The following PRR15L variants were observed in gnomAD, a reference collection of about 807,000 sequenced individuals.
The protein encoded by PRR15L is proline-rich protein 15-like protein.
PRR15L carries 1 observed loss-of-function variant against 3.7 expected under a neutral mutation model. The ratio of observed to expected loss-of-function variants is 0.27; its 90% CI spans 0.09 to 1.27. The LOEUF is 1.27. Ranked by LOEUF, PRR15L falls within the 50% of genes most tolerant of loss-of-function variation. The probability of loss-of-function intolerance (pLI) is 0.47; values close to 1 mark genes in which losing one functional copy is unlikely to be tolerated. For synonymous variants in PRR15L, 57 were observed against 51.9 expected (o/e 1.10, Z -0.42); for missense variants, 127 against 128.7 (o/e 0.99, Z 0.06).
intron 1 of PRR15L, among the ~76,000 whole-genome samples, chr17:47,954,502 G>C (rs2036106184): frequency 6.6e-6 from 1 of 152,172 alleles, no homozygotes; most frequent in Non-Finnish European, 1.5e-5. Context: ...TACCTTGCAG[G>C]GTGGGGCTTG....
chr17:47,956,352 G>T (rs2036128886), intron 1 of PRR15L, among the ~76,000 whole-genome samples: 1 of 152,140 alleles, frequency 6.6e-6, no homozygotes, highest in Non-Finnish European at 1.5e-5. Context: ...TATGCCTGTA[G>T]TCCCAGCTAC....
intron 1 of PRR15L, 26 bp from the exon 2 acceptor site, chr17:47,953,289 A>C: frequency 7.0e-7 from 1 of 1,436,630 alleles, no homozygotes; most frequent in Non-Finnish European, 9.4e-7. Context: ...GGGGGAGACA[A>C]AGGGGTCAGT....
At position 47,953,120 on chromosome 17, in the gene PRR15L, G is replaced by C; in HGVS notation, c.115C>G (p.Pro39Ala). The change falls in exon 2 of 2, where the codon CCC (proline) becomes GCC (alanine). Residue 39 changes from proline to alanine, a missense_variant. Pro to Ala is a conservative substitution (Grantham distance 27, BLOSUM62 -1). Coordinates refer to ENST00000300557, the MANE Select transcript of PRR15L (RefSeq NM_024320.4). The part of the protein sequence containing the change: ...TYAQTEGDAE[P>A]PRPDAGGPNS... ...GGGCCTCCAGCGTCAGGCCTCGGGG[G>C]TTCTGCATCTCCCTCTGTTTGGGCA... 1 of 1,614,136 alleles carries C rather than the reference G, an allele frequency of 6.2e-7. No homozygotes were observed. The highest frequency in any genetic ancestry group is 8.5e-7 in the Non-Finnish European group (1 of 1,180,022).
rs185152233 is a variant in PRR15L at position 47,956,786 on chromosome 17, A to G, written c.-30+871T>C. Among the ~76,000 whole-genome samples the G allele has an allele frequency of 7.3e-4, 111 of 152,360 alleles. 1 individual carries two copies. The South Asian group carries it at 0.013, about 18-fold the overall frequency. On this transcript the variant is annotated intron_variant, in intron 1 of 1. Coordinates refer to ENST00000300557, the MANE Select transcript of PRR15L (RefSeq NM_024320.4). ...TTCTCAAAGTTGCAAAGAACAAGATATCTACAACCGCCTGCCTGTGCCTCA... is the reference window on the plus strand; with the variant it reads ...TTCTCAAAGTTGCAAAGAACAAGATGTCTACAACCGCCTGCCTGTGCCTCA...
At chr17:47,956,688 A>G (rs1299609096) in intron 1 of PRR15L, among the ~76,000 whole-genome samples, 2 of 152,254 alleles carry the variant, frequency 1.3e-5, no homozygotes, top group Non-Finnish European at 2.9e-5. Context: ...TCATCATAAA[A>G]GATAGTGTAA....
At chr17:47,953,516 G>A (rs1339211827) in intron 1 of PRR15L, among the ~76,000 whole-genome samples, 1 of 151,914 alleles carries the variant, frequency 6.6e-6, no homozygotes, top group East Asian at 1.9e-4. Flanking sequence ...AAAATTAGCT[G>A]GGCGTAGTGG....
intron 1 of PRR15L, among the ~76,000 whole-genome samples, chr17:47,956,378 A>G (rs1410902097): frequency 5.3e-5 from 8 of 152,240 alleles, no homozygotes; most frequent in Non-Finnish European, 8.8e-5. Context: ...AGGCTGAGGC[A>G]CGAGAATCCC....
At position 47,953,016 on chromosome 17, in the gene PRR15L, T is replaced by C; in HGVS notation, c.219A>G (p.Ser73=). The change falls in exon 2 of 2, where the codon TCA becomes TCG. Residue 73 remains serine, a synonymous_variant. Coordinates refer to ENST00000300557, the MANE Select transcript of PRR15L (RefSeq NM_024320.4). ...CTTTCTTCTTCTCCTTGAAGCGTCC[T>C]GAGTTGGAGACCTTGACGTGCTTGC... ...TKGKHVKVSN[S]GRFKEKKKVR... is the part of the protein sequence containing the mutation. The C allele has an allele frequency of 1.9e-6, 3 of 1,614,158 alleles. No individual in the cohort carries two copies. The highest frequency in any genetic ancestry group is 2.2e-5 in the East Asian group (1 of 44,870).
At chr17:47,954,762 G>A (rs991911768) in intron 1 of PRR15L, among the ~76,000 whole-genome samples, 3 of 152,100 alleles carry the variant, frequency 2.0e-5, no homozygotes, top group Non-Finnish European at 4.4e-5. Flanking sequence ...GAGGTCGGTG[G>A]TCTTGTTCTC....
intron 1 of PRR15L, among the ~76,000 whole-genome samples, chr17:47,953,846 C>T (rs1286671035): frequency 6.6e-6 from 1 of 152,172 alleles, no homozygotes; most frequent in African/African-American, 2.4e-5. Context: ...GTGGGACAGG[C>T]ACACACCATT....
intron 1 of PRR15L, among the ~76,000 whole-genome samples, chr17:47,957,403 A>G (rs2036141996): frequency 6.6e-6 from 1 of 152,232 alleles, no homozygotes; most frequent in African/African-American, 2.4e-5. Flanking sequence ...AGACAGCTGG[A>G]AAAATGCTCC....
At position 47,954,934 on chromosome 17, in the gene PRR15L, C is replaced by CT. The variant is rs1186644182; in HGVS notation, c.-29-1672dup. ...TCCAAATGATGTGCCTTTTTTTTTT[C>CT]TTTTTTTTTTTTTTGAGACAGAGTC... On this transcript the variant is annotated intron_variant, in intron 1 of 1. Transcript: ENST00000300557. 5.5e-3 allele frequency among the ~76,000 whole-genome samples: 741 copies of CT among 133,588 alleles called. 7 individuals are homozygous for CT. The highest frequency in any genetic ancestry group is 0.014 in the African/African-American group (498 of 36,810). The allele number at this position is 133,588 out of a possible 152,430, so 87.6% of individuals were successfully genotyped here.
At position 47,952,639 on chromosome 17, in the gene PRR15L, C is replaced by A; in HGVS notation, c.*284G>T. The A allele has an allele frequency of 3.0e-6, 1 of 332,742 alleles. No individual in the cohort carries two copies. The highest frequency in any genetic ancestry group is 5.5e-6 in the Non-Finnish European group (1 of 180,504). 20.6% of individuals were successfully genotyped at this position (332,742 alleles called of 1,614,324 possible). On this transcript the variant is annotated 3_prime_UTR_variant, in exon 2 of 2. Transcript: ENST00000300557. ...CATGCCCACCTCCCTGCTGGCCCTG[C>A]CATTGCTTCAAGGAGGGCTGTTCCT...
intron 1 of PRR15L, among the ~76,000 whole-genome samples, chr17:47,954,922 C>G (rs1165137411): frequency 2.0e-5 from 3 of 149,724 alleles, no homozygotes; most frequent in Non-Finnish European, 3.0e-5. Context: ...AAATGATGTG[C>G]CTTTTTTTTT....
intron 1 of PRR15L, among the ~76,000 whole-genome samples, chr17:47,957,054 G>A (rs2036137807): frequency 6.6e-6 from 1 of 152,258 alleles, no homozygotes; most frequent in African/African-American, 2.4e-5. Context: ...AAGGCCTCAT[G>A]GGACAGCCTG....
Position 47,953,075 on chromosome 17 carries a change from G to T in PRR15L, c.160C>A (p.Arg54Ser). Residue 54 changes from arginine to serine, a missense_variant, in exon 2 of 2, where the codon CGC becomes AGC. Arg to Ser is a moderately radical substitution (Grantham distance 110). Transcript: ENST00000300557. ...CTCTTGTCCACAATCTTCTCCAGGC[G>T]GGTGTTAAAGTCGCTGTTGGGGCCT... ...AGGPNSDFNT[R>S]LEKIVDKSTK... 1 of 1,614,128 alleles carries T rather than the reference G, an allele frequency of 6.2e-7. No individual in the cohort carries two copies. Among genetic ancestry groups the T allele is most frequent in the Non-Finnish European group, 8.5e-7 (1 of 1,180,036 alleles).
chr17:47,956,487 AC>A (rs763376692), intron 1 of PRR15L, among the ~76,000 whole-genome samples: 121 of 152,000 alleles, frequency 8.0e-4, no homozygotes, highest in Middle Eastern at 3.4e-3. Flanking sequence ...AACAACAACA[AC>A]AAAAAAAGAG....
At chr17:47,953,316 T>A in intron 1 of PRR15L, 53 bp from the exon 2 acceptor site, 1 of 1,143,784 alleles carries the variant, frequency 8.7e-7, no homozygotes. Context: ...AGGGGGTGGG[T>A]GCCTTTGGAC....
chr17:47,955,638 G>A (rs2144185354), intron 1 of PRR15L, among the ~76,000 whole-genome samples: 1 of 152,346 alleles, frequency 6.6e-6, no homozygotes, highest in South Asian at 2.1e-4. Flanking sequence ...CCCTGGAGAG[G>A]TGAGCACACC....
Sources: allele counts gnomAD v4.1 joint callset (sites outside exome capture counted in the v4.1 genomes callset), GRCh38; gene constraint gnomAD v4.1.1; transcripts MANE v1.5; gene names NCBI Gene and HGNC (gene_info 2026-07-23, HGNC 2026-07-21).